The following CARHSP1 variants were observed in gnomAD, a reference collection of about 807,000 sequenced individuals.
CARHSP1 encodes the protein calcium-regulated heat-stable protein 1.
In CARHSP1, 14 loss-of-function variants were observed where a neutral mutation model predicts 12.5. The observed-to-expected ratio is 1.12, with a 90% confidence interval of 0.74 to 1.75. The LOEUF (loss-of-function observed/expected upper bound fraction) is 1.75. CARHSP1 is among the 40% of genes most tolerant of loss of function. CARHSP1 has a pLI of 0.00. For missense variants in CARHSP1, 343 were observed against 201.6 expected (o/e 1.70, Z -4.25); for synonymous variants, 161 against 82.0 (o/e 1.96, Z -5.20).
At chr16:8,865,211 GC>G in intron 1 of CARHSP1, among the ~76,000 whole-genome samples, 1 of 152,188 alleles carries the variant, frequency 6.6e-6, no homozygotes, top group East Asian at 1.9e-4. Flanking sequence ...CCAGGTTCAA[GC>G]GATTCTCCTG....
chr16:8,861,328 T>G (rs533065352), intron 1 of CARHSP1, among the ~76,000 whole-genome samples: 18 of 151,518 alleles, frequency 1.2e-4, no homozygotes, highest in Non-Finnish European at 1.9e-4. Flanking sequence ...CTGAACTATC[T>G]TAAACATCCC....
In CARHSP1 at chr16:8,855,137, C is replaced by G. The variant is rs374007002; in HGVS notation, c.*27G>C. 4 of 1,522,616 alleles carry G rather than the reference C, an allele frequency of 2.6e-6. No individual in the cohort carries two copies. The African/African-American group carries it at 4.2e-5, about 16-fold the overall frequency. The allele number at this position is 1,522,616 out of a possible 1,614,324, so 94.3% of individuals were successfully genotyped here. ...CTCCCTGCAAAGTCTCCCACAAGCA[C>G]AGGACAAGGGGTGCTTCCACCATCT... On this transcript the variant is annotated 3_prime_UTR_variant, in exon 4 of 4. Transcript: ENST00000311052.
At chr16:8,858,729 C>T (rs2061238895) in intron 2 of CARHSP1, 1 of 505,148 alleles carries the variant, frequency 2.0e-6, no homozygotes, top group Non-Finnish European at 3.5e-6. Context: ...TGAACTAAAA[C>T]ATCACTGAAC....
At chr16:8,857,214 C>A (rs1596526453) in intron 3 of CARHSP1, among the ~76,000 whole-genome samples, 1 of 149,606 alleles carries the variant, frequency 6.7e-6, no homozygotes, top group Non-Finnish European at 1.5e-5. Flanking sequence ...GTCGGGCACC[C>A]CCAGATCCAT....
intron 3 of CARHSP1, among the ~76,000 whole-genome samples, chr16:8,857,281 T>TTGTTTTTTG (rs2061160801): frequency 8.1e-6 from 1 of 123,046 alleles, no homozygotes; most frequent in African/African-American, 3.0e-5. Flanking sequence ...TTTTTTTTTT[T>TTGTTTTTTG]TTTTTTTTTT....
intron 3 of CARHSP1, among the ~76,000 whole-genome samples, chr16:8,856,073 T>C (rs1341605080): frequency 6.6e-6 from 1 of 152,148 alleles, no homozygotes; most frequent in Non-Finnish European, 1.5e-5. Context: ...CCTCCGAAAG[T>C]GCTGGGATTA....
At chr16:8,858,635 T>A (rs1263619761) in intron 2 of CARHSP1, 163 bp from the exon 3 acceptor site, 21 of 821,924 alleles carry the variant, frequency 2.6e-5, no homozygotes, top group Non-Finnish European at 3.6e-5. Flanking sequence ...TGGGAGCCGC[T>A]CACAAAGACG....
chr16:8,856,413 G>A (rs1295280096), intron 3 of CARHSP1, among the ~76,000 whole-genome samples: 1 of 152,172 alleles, frequency 6.6e-6, no homozygotes. Flanking sequence ...TAAATCTGCA[G>A]CCTACTTCCA....
chr16:8,859,254 C>T lies in CARHSP1; in HGVS notation c.75G>A (p.Arg25=), dbSNP rs746462103. 2 of 1,600,874 alleles carry T rather than the reference C, an allele frequency of 1.2e-6. No individual in the cohort carries two copies. The highest frequency in any genetic ancestry group is 2.2e-5 in the East Asian group (1 of 44,556). Residue 25 remains arginine, a synonymous_variant, in exon 2 of 4, where the codon CGG becomes CGA. Coordinates refer to ENST00000311052, the MANE Select transcript of CARHSP1 (RefSeq NM_014316.4). Reference sequence around the variant, plus strand: ...GAGGGGATGGTGAGCGCTCACGGCTCCGAGGGGTGTCCAGCAGCCCGACTG... The same window carrying T: ...GAGGGGATGGTGAGCGCTCACGGCTTCGAGGGGTGTCCAGCAGCCCGACTG... The part of the protein sequence containing the change: ...QASVGLLDTP[R]SRERSPSPLR...
At chr16:8,857,250 C>T (rs1242116697) in intron 3 of CARHSP1, among the ~76,000 whole-genome samples, 3 of 116,282 alleles carry the variant, frequency 2.6e-5, no homozygotes, top group African/African-American at 9.7e-5. Flanking sequence ...GCTATGTGAT[C>T]TTGGGCAGAT....
chr16:8,860,169 T>TGGATCCCTGA (rs1240473531), intron 1 of CARHSP1: 2 of 985,320 alleles, frequency 2.0e-6, no homozygotes, highest in Non-Finnish European at 2.4e-6. Flanking sequence ...GCGCCACGTT[T>TGGATCCCTGA]GGATCCCTGA....
rs139906276 is a variant in CARHSP1 at position 8,858,464 on chromosome 16, C to T, written c.167G>A (p.Arg56Gln). Residue 56 changes from arginine (R) to glutamine (Q), a missense_variant, in exon 3 of 4, where the codon CGG becomes CAG. Coordinates refer to ENST00000311052, the MANE Select transcript of CARHSP1 (RefSeq NM_014316.4). ...TTTGTAGACGGGGCCCTGTGAAGCC[C>T]GCACCGTCCTGACAGAGAGGGGGAA... The part of the protein sequence containing the change: ...RRTRTFSATV[R>Q]ASQGPVYKGV... 1.7e-4 allele frequency: 281 copies of T among 1,613,630 alleles called. No homozygotes were observed. Among genetic ancestry groups the T allele is most frequent in the Non-Finnish European group, 2.1e-4 (244 of 1,180,000 alleles).
At position 8,859,219 on chromosome 16, in the gene CARHSP1, T is replaced by A. The variant is rs372006346; in HGVS notation, c.110A>T (p.Asn37Ile). The change falls in exon 2 of 4, where the codon AAC (asparagine) becomes ATC (isoleucine). Residue 37 changes from asparagine to isoleucine, a missense_variant. Physicochemically the swap from Asn to Ile is moderately radical, Grantham distance 149 (BLOSUM62 -3). Coordinates refer to ENST00000311052, the MANE Select transcript of CARHSP1 (RefSeq NM_014316.4). ...AGTGGGCAGTGGGCTTGGGACCACG[T>A]TGCCCCGCAGAGGGGATGGTGAGCG... ...RERSPSPLRG[N>I]VVPSPLPTRR... The A allele has an allele frequency of 6.2e-7, 1 of 1,602,568 alleles. No homozygotes were observed. The highest frequency in any genetic ancestry group is 1.7e-5 in the Admixed American group (1 of 58,386).
intron 1 of CARHSP1, among the ~76,000 whole-genome samples, chr16:8,863,413 T>C (rs1003145224): frequency 6.6e-6 from 1 of 152,172 alleles, no homozygotes; most frequent in African/African-American, 2.4e-5. Flanking sequence ...ACACCCAGCT[T>C]CCAAGCCTCA....
chr16:8,868,541 C>T (rs1253005969), intron 1 of CARHSP1: 2 of 149,764 alleles, frequency 1.3e-5, no homozygotes, highest in Non-Finnish European at 3.0e-5. Flanking sequence ...CCTCGAGCCA[C>T]AGCTGGCGCG....
At chr16:8,858,295 A>G in intron 3 of CARHSP1, 55 bp downstream of exon 3, 2 of 1,589,498 alleles carry the variant, frequency 1.3e-6, no homozygotes, top group South Asian at 1.1e-5. Flanking sequence ...CCACCTCCAC[A>G]GGGCCAAGGA....
chr16:8,861,893 G>T (rs1046394953), intron 1 of CARHSP1: 5 of 993,302 alleles, frequency 5.0e-6, no homozygotes, highest in Non-Finnish European at 6.5e-6. Flanking sequence ...GCAGATGGGA[G>T]CAGTGGCCTC....
intron 1 of CARHSP1, among the ~76,000 whole-genome samples, chr16:8,862,808 G>A (rs916015566): frequency 2.6e-5 from 4 of 152,126 alleles, no homozygotes; most frequent in Admixed American, 6.5e-5. Flanking sequence ...GAATCATGCC[G>A]CGTCATCATC....
chr16:8,864,690 C>G (rs2061426191), intron 1 of CARHSP1, among the ~76,000 whole-genome samples: 1 of 152,206 alleles, frequency 6.6e-6, no homozygotes, highest in Non-Finnish European at 1.5e-5. Context: ...AGTCAGCCCC[C>G]AGGCTCTGAT....
Sources: gnomAD v4.1 joint callset for allele counts (sites outside exome capture counted in the v4.1 genomes callset) on GRCh38, gnomAD v4.1.1 for gene constraint, MANE v1.5 for transcripts, NCBI Gene and HGNC (gene_info 2026-07-23, HGNC 2026-07-21) for gene names.